The following NKAIN3 variants were observed in gnomAD, a reference collection of about 807,000 sequenced individuals.
NKAIN3 encodes the protein sodium/potassium transporting ATPase interacting 3, also known as sodium/potassium-transporting ATPase subunit beta-1-interacting protein 3.
In NKAIN3, 25 loss-of-function variants were observed where a neutral mutation model predicts 30.2. The ratio of observed to expected loss-of-function variants is 0.83; its 90% CI spans 0.60 to 1.16. The LOEUF is 1.16. Ranked by LOEUF, NKAIN3 falls within the 50% of genes most tolerant of loss-of-function variation. The pLI, the probability that NKAIN3 is intolerant of heterozygous loss-of-function variation, is 0.00. For missense variants in NKAIN3, 225 were observed against 254.1 expected (o/e 0.89, Z 0.78); for synonymous variants, 91 against 89.6 (o/e 1.02, Z -0.09).
intron 3 of NKAIN3, among the ~76,000 whole-genome samples, chr8:62,712,314 C>T (rs1453295917): frequency 6.6e-6 from 1 of 152,100 alleles, no homozygotes; most frequent in Non-Finnish European, 1.5e-5. Context: ...ATTATATGCC[C>T]TTTGTCTTCT....
chr8:62,885,486 C>T (rs760505712), intron 4 of NKAIN3, among the ~76,000 whole-genome samples: 26 of 152,146 alleles, frequency 1.7e-4, no homozygotes, highest in Non-Finnish European at 3.4e-4. Context: ...CAATAGATGT[C>T]AATTATATCC....
chr8:62,365,302 T>A (rs1816702905), intron 1 of NKAIN3, among the ~76,000 whole-genome samples: 1 of 152,198 alleles, frequency 6.6e-6, no homozygotes, highest in Non-Finnish European at 1.5e-5. Flanking sequence ...CATTTGGTGT[T>A]TATTTTTTCC....
At chr8:62,261,585 C>A (rs970829869) in intron 1 of NKAIN3, among the ~76,000 whole-genome samples, 1 of 152,202 alleles carries the variant, frequency 6.6e-6, no homozygotes, top group African/African-American at 2.4e-5. Context: ...GTCAAGTAAT[C>A]AATGGTGAAA....
At chr8:62,591,742 A>G (rs945793673) in intron 3 of NKAIN3, among the ~76,000 whole-genome samples, 5 of 152,006 alleles carry the variant, frequency 3.3e-5, no homozygotes, top group African/African-American at 1.2e-4. Context: ...GAGCATCCTA[A>G]AGATTTTCTG....
chr8:62,873,661 G>C (rs191624955), intron 4 of NKAIN3, among the ~76,000 whole-genome samples: 57 of 151,624 alleles, frequency 3.8e-4, no homozygotes, highest in Middle Eastern at 3.4e-3. Flanking sequence ...AATCAAATTA[G>C]AACTCAGGAA....
At chr8:62,288,245 A>G (rs1813445975) in intron 1 of NKAIN3, among the ~76,000 whole-genome samples, 1 of 150,728 alleles carries the variant, frequency 6.6e-6, no homozygotes, top group African/African-American at 2.5e-5. Context: ...CTTTCTTTTT[A>G]TCTTTTTTAA....
intron 4 of NKAIN3, among the ~76,000 whole-genome samples, chr8:62,839,414 A>AG (rs1382302564): frequency 6.6e-6 from 1 of 152,010 alleles, no homozygotes; most frequent in Non-Finnish European, 1.5e-5. Context: ...AAAAATTGGT[A>AG]GAAAAAAAAC....
At chr8:62,321,977 C>CGA (rs1814936143) in intron 1 of NKAIN3, among the ~76,000 whole-genome samples, 1 of 152,180 alleles carries the variant, frequency 6.6e-6, no homozygotes, top group Non-Finnish European at 1.5e-5. Flanking sequence ...TGGGCTCTAC[C>CGA]GAGTTCCAGC....
At chr8:62,821,907 T>C (rs1238269183) in intron 4 of NKAIN3, among the ~76,000 whole-genome samples, 1 of 152,036 alleles carries the variant, frequency 6.6e-6, no homozygotes, top group African/African-American at 2.4e-5. Context: ...GGCGAATTTT[T>C]ATTTGCCAAC....
At chr8:62,923,242 G>A (rs1822334666) in intron 5 of NKAIN3, among the ~76,000 whole-genome samples, 1 of 152,000 alleles carries the variant, frequency 6.6e-6, no homozygotes, top group Admixed American at 6.5e-5. Flanking sequence ...AGTGGGAGTT[G>A]GTGGGATGGA....
chr8:62,693,681 G>A (rs991818758), intron 3 of NKAIN3, among the ~76,000 whole-genome samples: 63 of 152,310 alleles, frequency 4.1e-4, no homozygotes, highest in African/African-American at 1.3e-3. Flanking sequence ...CTTTGTTAAA[G>A]TATGGATAAA....
chr8:62,760,986 A>G (rs1236714937), intron 4 of NKAIN3, among the ~76,000 whole-genome samples: 1 of 152,132 alleles, frequency 6.6e-6, no homozygotes, highest in African/African-American at 2.4e-5. Context: ...ATTGCTTAGC[A>G]CTTTACATCT....
At chr8:62,414,990 A>G (rs1369725390) in intron 1 of NKAIN3, among the ~76,000 whole-genome samples, 5 of 149,060 alleles carry the variant, frequency 3.4e-5, no homozygotes, top group Middle Eastern at 3.6e-3. Flanking sequence ...TATCAGACTG[A>G]TCTAGATGTC....
chr8:62,786,200 G>A (rs944928516), intron 4 of NKAIN3, among the ~76,000 whole-genome samples: 1 of 152,108 alleles, frequency 6.6e-6, no homozygotes, highest in Admixed American at 6.6e-5. Flanking sequence ...AAGTAGTCTT[G>A]CAGAGCTACT....
rs1823714722 is a variant in NKAIN3 at position 62,966,454 on chromosome 8, G to C, written c.*1047G>C. The C allele has an allele frequency of 1.3e-5, 11 of 869,448 alleles. No homozygotes were observed. 53.9% of individuals were successfully genotyped at this position (869,448 alleles called of 1,614,324 possible). ...TTTAACTGGCATAAAACTTACATAT[G>C]GTAAAATGCACAAATATTAATGGTA... On this transcript the variant is annotated 3_prime_UTR_variant, in exon 7 of 7. Transcript: ENST00000623646.
intron 1 of NKAIN3, among the ~76,000 whole-genome samples, chr8:62,553,737 T>G (rs1809297575): frequency 6.6e-6 from 1 of 151,860 alleles, no homozygotes; most frequent in Non-Finnish European, 1.5e-5. Context: ...AGGGTTTCAC[T>G]ATGTTGGCCA....
At chr8:62,689,793 C>G (rs1260380732) in intron 3 of NKAIN3, among the ~76,000 whole-genome samples, 2 of 151,836 alleles carry the variant, frequency 1.3e-5, no homozygotes, top group Admixed American at 1.3e-4. Flanking sequence ...TTTTGAGATT[C>G]AATCATCGAG....
At chr8:62,832,270 CA>C (rs1292920985) in intron 4 of NKAIN3, among the ~76,000 whole-genome samples, 2 of 140,958 alleles carry the variant, frequency 1.4e-5, no homozygotes, top group African/African-American at 5.9e-5. Context: ...CACACACACA[CA>C]CACACACACA....
chr8:62,260,965 A>C (rs1046365473), intron 1 of NKAIN3, among the ~76,000 whole-genome samples: 4 of 152,148 alleles, frequency 2.6e-5, no homozygotes, highest in Non-Finnish European at 5.9e-5. Flanking sequence ...TCTCTTCCCA[A>C]TTGTACATCC....
Sources: gnomAD v4.1 joint callset for allele counts (sites outside exome capture counted in the v4.1 genomes callset) on GRCh38, gnomAD v4.1.1 for gene constraint, MANE v1.5 for transcripts, NCBI Gene and HGNC (gene_info 2026-07-23, HGNC 2026-07-21) for gene names.